CCDC7: variants seen among roughly 807,000 people sequenced by gnomAD.
The protein encoded by CCDC7 is coiled-coil domain-containing protein 7.
In CCDC7, 183 loss-of-function variants were observed where a neutral mutation model predicts 196.9. The observed-to-expected ratio is 0.93, with a 90% confidence interval of 0.82 to 1.05. The LOEUF (loss-of-function observed/expected upper bound fraction) is 1.05. Among genes scored for constraint, CCDC7 ranks in the 50% least tolerant of loss-of-function variants. The pLI is 0.00. For synonymous variants in CCDC7, 525 were observed against 484.6 expected, an observed-to-expected ratio of 1.08 and a Z score of -1.10; for missense variants, 1,540 against 1,482.2, an observed-to-expected ratio of 1.04 and a Z score of -0.64.
At chr10:32,872,713 A>G (rs1427254870) in intron 41 of CCDC7, among the ~76,000 whole-genome samples, 6 of 151,734 alleles carry the variant, frequency 4.0e-5, no homozygotes, top group South Asian at 2.1e-4. Context: ...TTCCTTCAGG[A>G]GCTCTTTTAG....
chr10:32,874,141 A>G (rs1427896242), intron 41 of CCDC7, among the ~76,000 whole-genome samples: 1 of 149,424 alleles, frequency 6.7e-6, no homozygotes, highest in Non-Finnish European at 1.5e-5. Flanking sequence ...ATATATATAT[A>G]TTTTTATATG....
downstream of CCDC7, chr10:32,877,162 A>G (rs1400655115): frequency 6.6e-6 from 1 of 152,108 alleles, no homozygotes; most frequent in Non-Finnish European, 1.5e-5. Flanking sequence ...CATCCTTTAT[A>G]ATCTCCCATT....
intron 18 of CCDC7, among the ~76,000 whole-genome samples, chr10:32,629,566 G>A (rs568578566): frequency 1.6e-4 from 25 of 152,190 alleles, no homozygotes; most frequent in South Asian, 8.3e-4. Context: ...AAGAATGTGC[G>A]AGGGTGCTCA....
intron 18 of CCDC7, among the ~76,000 whole-genome samples, chr10:32,634,003 G>A (rs1265828252): frequency 6.6e-6 from 1 of 151,414 alleles, no homozygotes; most frequent in Non-Finnish European, 1.5e-5. Context: ...TTCTAGATAT[G>A]CATTTTTTCT....
chr10:32,822,316 A>T (rs1297120410), intron 31 of CCDC7, among the ~76,000 whole-genome samples: 1 of 152,228 alleles, frequency 6.6e-6, no homozygotes, highest in African/African-American at 2.4e-5. Flanking sequence ...CATTGGGCAT[A>T]TAACATATCA....
chr10:32,455,247 T>C (rs1467946822), intron 2 of CCDC7, among the ~76,000 whole-genome samples: 1 of 151,956 alleles, frequency 6.6e-6, no homozygotes, highest in Non-Finnish European at 1.5e-5. Context: ...TATAGGTCTT[T>C]ATTGTGACAA....
chr10:32,594,572 A>G (rs956028792), intron 18 of CCDC7, among the ~76,000 whole-genome samples: 2 of 152,226 alleles, frequency 1.3e-5, no homozygotes, highest in Non-Finnish European at 2.9e-5. Flanking sequence ...CCTGGCCAGA[A>G]CTTCCAAAAC....
intron 21 of CCDC7, among the ~76,000 whole-genome samples, chr10:32,675,149 C>T (rs773840558): frequency 1.3e-5 from 2 of 151,974 alleles, no homozygotes; most frequent in Non-Finnish European, 2.9e-5. Flanking sequence ...TGTTTTCTCT[C>T]TGTTTTATAG....
Position 32,734,769 on chromosome 10 carries a change from C to T in CCDC7, c.2905+5312C>T, listed in dbSNP as rs941970297. ...AAAATTAGCCAGGTGTGGTGGCATG[C>T]ACCTGTAATCCCAGCTACTTGGGAG... On this transcript the variant is annotated intron_variant, in intron 28 of 41. Coordinates refer to ENST00000639629, the Ensembl canonical transcript of CCDC7. 4.0e-5 allele frequency among the ~76,000 whole-genome samples: 6 copies of T among 151,744 alleles called. No individual in the cohort carries two copies. The East Asian group carries it at 1.2e-3, about 29-fold the overall frequency.
chr10:32,451,712 A>G, exon 1 of CCDC7: 1 of 1,613,974 alleles, frequency 6.2e-7, no homozygotes, highest in Non-Finnish European at 8.5e-7. Context: ...AACTACTAAA[A>G]AAGGACTACA....
intron 16 of CCDC7, among the ~76,000 whole-genome samples, chr10:32,577,726 T>C (rs1482062975): frequency 6.6e-6 from 1 of 152,146 alleles, no homozygotes; most frequent in African/African-American, 2.4e-5. Context: ...TGCCTGTGAG[T>C]GTAGGGCCAT....
At chr10:32,869,668 G>A (rs182610768) in intron 41 of CCDC7, among the ~76,000 whole-genome samples, 3 of 152,234 alleles carry the variant, frequency 2.0e-5, no homozygotes, top group Non-Finnish European at 2.9e-5. Flanking sequence ...GTATTGCCTA[G>A]GTTTCCTTCT....
At chr10:32,569,392 G>T (rs1178704868) in intron 15 of CCDC7, among the ~76,000 whole-genome samples, 1 of 152,052 alleles carries the variant, frequency 6.6e-6, no homozygotes, top group Non-Finnish European at 1.5e-5. Flanking sequence ...TCTATTTGAT[G>T]CTATTCTGAA....
intron 30 of CCDC7, among the ~76,000 whole-genome samples, chr10:32,812,885 A>C (rs78602578): frequency 0.14 from 21,893 of 152,092 alleles, 1,926 homozygotes; most frequent in African/African-American, 0.25. Flanking sequence ...GCTAAAATAC[A>C]TCTGCCGATG....
chr10:32,598,910 A>G (rs1429969173), intron 18 of CCDC7, among the ~76,000 whole-genome samples: 1 of 152,180 alleles, frequency 6.6e-6, no homozygotes, highest in Admixed American at 6.5e-5. Flanking sequence ...AGGGTTCTGC[A>G]TATATGTGTT....
At chr10:32,496,946 G>C (rs980859427) in intron 9 of CCDC7, among the ~76,000 whole-genome samples, 4 of 152,260 alleles carry the variant, frequency 2.6e-5, no homozygotes, top group African/African-American at 9.6e-5. Context: ...CTATTGTTTG[G>C]AATAGTTTCA....
intron 8 of CCDC7, among the ~76,000 whole-genome samples, chr10:32,477,940 TAAC>T (rs999778998): frequency 1.4e-4 from 21 of 152,216 alleles, no homozygotes; most frequent in African/African-American, 5.1e-4. Context: ...ACTTGTATCT[TAAC>T]AATATTGTAT....
chr10:32,695,946 C>G (rs780416460), intron 24 of CCDC7, among the ~76,000 whole-genome samples: 3 of 151,858 alleles, frequency 2.0e-5, no homozygotes, highest in Non-Finnish European at 2.9e-5. Context: ...ATGCCTTAAG[C>G]AAAAGGCCAG....
At chr10:32,831,137 G>A (rs1168474501) in intron 32 of CCDC7, among the ~76,000 whole-genome samples, 1 of 152,180 alleles carries the variant, frequency 6.6e-6, no homozygotes, top group Admixed American at 6.5e-5. Context: ...GACTTGTACA[G>A]CATGTTACTG....
Sources: gnomAD v4.1 joint callset for allele counts (sites outside exome capture counted in the v4.1 genomes callset) on GRCh38, gnomAD v4.1.1 for gene constraint, MANE v1.5 for transcripts, NCBI Gene and HGNC (gene_info 2026-07-23, HGNC 2026-07-21) for gene names.